PPM1E: variants seen among roughly 807,000 people sequenced by gnomAD.
PPM1E encodes the protein protein phosphatase, Mg2+/Mn2+ dependent 1E, also known as protein phosphatase 1E.
Under a neutral mutation model 65.9 loss-of-function variants are expected in PPM1E, and 20 were observed. The observed-to-expected ratio is 0.30, with a 90% CI of 0.21 to 0.44. The LOEUF (loss-of-function observed/expected upper bound fraction) is 0.44, where lower values mean the gene tolerates loss of function less well. Among genes scored for constraint, PPM1E ranks in the 20% least tolerant of loss-of-function variants. The pLI is 1.00. For synonymous variants in PPM1E, 352 were observed against 374.9 expected, an observed-to-expected ratio of 0.94 and a Z score of 0.70; for missense variants, 713 against 953.1, an observed-to-expected ratio of 0.75 and a Z score of 3.32.
intron 1 of PPM1E, among the ~76,000 whole-genome samples, chr17:58,788,372 A>G (rs1454124756): frequency 6.6e-6 from 1 of 152,170 alleles, no homozygotes; most frequent in Non-Finnish European, 1.5e-5. Flanking sequence ...GTTAGAGTGT[A>G]TACAGATTAA....
At chr17:58,879,248 C>T (rs570667404) in intron 1 of PPM1E, among the ~76,000 whole-genome samples, 1 of 143,536 alleles carries the variant, frequency 7.0e-6, no homozygotes, top group African/African-American at 2.6e-5. Context: ...AAGCAAAAGG[C>T]TACTTGGAGT....
At position 58,947,298 on chromosome 17, in the gene PPM1E, G is replaced by A. The variant is rs376784078; in HGVS notation, c.465-8351G>A. On this transcript the variant is annotated intron_variant, in intron 1 of 6. Coordinates refer to ENST00000308249, the MANE Select transcript of PPM1E (RefSeq NM_014906.5). ...ATCACCCAGGCTGGAGTGCAGTGAC[G>A]TGATCTCAGCTCACTGCAACCTCTG... Among the ~76,000 whole-genome samples, 5 of 135,314 alleles carry A rather than the reference G, an allele frequency of 3.7e-5. No individual in the cohort carries two copies. In the South Asian group the frequency reaches 7.1e-4, roughly 19 times the overall value. The allele number at this position is 135,314 out of a possible 152,430, so 88.8% of individuals were successfully genotyped here.
intron 1 of PPM1E, among the ~76,000 whole-genome samples, chr17:58,777,453 A>C (rs2050005190): frequency 6.6e-6 from 1 of 152,164 alleles, no homozygotes; most frequent in African/African-American, 2.4e-5. Flanking sequence ...TTTCATTGAG[A>C]GTAGAAAAAG....
At chr17:58,933,250 C>T (rs891374568) in intron 1 of PPM1E, among the ~76,000 whole-genome samples, 3 of 152,108 alleles carry the variant, frequency 2.0e-5, no homozygotes, top group African/African-American at 4.8e-5. Context: ...CAGCAGTTCA[C>T]ACTATTTGTA....
Position 58,861,351 on chromosome 17 carries a change from A to T in PPM1E, c.465-94298A>T, listed in dbSNP as rs576933551. Among the ~76,000 whole-genome samples the T allele has an allele frequency of 2.6e-5, 4 of 152,318 alleles. No homozygotes were observed. The South Asian group carries it at 8.3e-4, about 32-fold the overall frequency. Reference sequence around the variant, plus strand: ...TTGCAAAGGATGACCTTCTCCATCTATTATAATTATTAATATTAAGAGTTC... The same window carrying T: ...TTGCAAAGGATGACCTTCTCCATCTTTTATAATTATTAATATTAAGAGTTC... On this transcript the variant is annotated intron_variant, in intron 1 of 6. Transcript: ENST00000308249.
chr17:58,888,228 G>A (rs918951771), intron 1 of PPM1E, among the ~76,000 whole-genome samples: 1 of 152,126 alleles, frequency 6.6e-6, no homozygotes, highest in African/African-American at 2.4e-5. Flanking sequence ...AGCATTGGCT[G>A]TAAGTAAATG....
rs564240702 is a variant in PPM1E, at chr17:58,755,887, C to G, written c.-111C>G. ...GCAACCTAGTGCTGATCGCTCGTGC[C>G]GGTGCGGCCGTTAACCGCCCTTGCC... is the stretch of plus-strand genomic sequence containing the variant. On this transcript the variant is annotated 5_prime_UTR_variant, in exon 1 of 7. Coordinates refer to ENST00000308249, the MANE Select transcript of PPM1E (RefSeq NM_014906.5). 9 of 1,520,304 alleles carry G rather than the reference C, an allele frequency of 5.9e-6. No individual in the cohort carries two copies. The highest frequency in any genetic ancestry group is 2.6e-5 in the South Asian group (2 of 76,040). 94.2% of individuals were successfully genotyped at this position (1,520,304 alleles called of 1,614,324 possible).
rs1178274111 is a variant in PPM1E, at chr17:58,923,679, G to A, written c.465-31970G>A. On this transcript the variant is annotated intron_variant, in intron 1 of 6. Transcript: ENST00000308249. ...GGAGAATCGCTTGAACCTGGGAGGC[G>A]GAGGTTGCAGTGAGCTGAGATCGCA... is the stretch of plus-strand genomic sequence containing the variant. Among the ~76,000 whole-genome samples the A allele has an allele frequency of 2.0e-5, 3 of 150,010 alleles. No homozygotes were observed. The East Asian group carries it at 6.1e-4, about 31-fold the overall frequency.
In PPM1E at chr17:58,983,247, C is replaced by A. The variant is rs971179419; in HGVS notation, c.*2216C>A. 4.5e-6 allele frequency: 1 copy of A among 220,912 alleles called. No homozygotes were observed. 13.7% of individuals were successfully genotyped at this position (220,912 alleles called of 1,614,324 possible). A position where few individuals can be genotyped will look rare whatever the true frequency, so the allele number is the denominator to read the frequency against. On this transcript the variant is annotated 3_prime_UTR_variant, in exon 7 of 7. Transcript: ENST00000308249. ...TAAAGCAAAGTAGTTCTAGTGTGGT[C>A]GTTATAAACCAATATTGTGAAAAAT... is the stretch of plus-strand genomic sequence containing the variant.
At chr17:58,820,970 T>G (rs989409774) in intron 1 of PPM1E, among the ~76,000 whole-genome samples, 1 of 152,106 alleles carries the variant, frequency 6.6e-6, no homozygotes, top group Non-Finnish European at 1.5e-5. Flanking sequence ...CTGAAACATT[T>G]AATCATGGGC....
chr17:58,969,802 T>C, intron 4 of PPM1E, 75 bp downstream of exon 4: 2 of 1,373,164 alleles, frequency 1.5e-6, no homozygotes, highest in Non-Finnish European at 2.0e-6. Flanking sequence ...GTTAAAGGGC[T>C]ATTTAGATTT....
intron 1 of PPM1E, among the ~76,000 whole-genome samples, chr17:58,813,980 A>G (rs1275643829): frequency 6.6e-6 from 1 of 152,180 alleles, no homozygotes; most frequent in East Asian, 1.9e-4. Flanking sequence ...TGAGGTGGAT[A>G]TAAGCATGAA....
intron 1 of PPM1E, among the ~76,000 whole-genome samples, chr17:58,892,297 G>A (rs566302001): frequency 7.2e-5 from 11 of 152,200 alleles, no homozygotes; most frequent in African/African-American, 1.9e-4. Context: ...TTTCAAGGCC[G>A]GCATGGTGGC....
At chr17:58,944,847 C>T (rs1026598612) in intron 1 of PPM1E, among the ~76,000 whole-genome samples, 1 of 152,032 alleles carries the variant, frequency 6.6e-6, no homozygotes, top group Non-Finnish European at 1.5e-5. Context: ...TGCATGTATA[C>T]CTAGGAGTGG....
intron 1 of PPM1E, among the ~76,000 whole-genome samples, chr17:58,942,046 A>G (rs2052079405): frequency 6.6e-6 from 1 of 151,794 alleles, no homozygotes; most frequent in Admixed American, 6.6e-5. Flanking sequence ...TTCATACATT[A>G]ATTTCATTAC....
At chr17:58,953,145 A>G (rs1399146479) in intron 1 of PPM1E, among the ~76,000 whole-genome samples, 2 of 152,246 alleles carry the variant, frequency 1.3e-5, no homozygotes, top group African/African-American at 4.8e-5. Flanking sequence ...CAGGAGGCAC[A>G]TAGAGATCAC....
rs139146554 is a variant in PPM1E at position 58,873,850 on chromosome 17, G to A, written c.465-81799G>A. Among the ~76,000 whole-genome samples the A allele has an allele frequency of 5.8e-3, 872 of 149,440 alleles. 5 individuals carry two copies. The highest frequency in any genetic ancestry group is 9.6e-3 in the African/African-American group (389 of 40,488). Reference sequence around the variant, plus strand: ...GAGCTTAAGTGATCTGCCCACCTTAGCCCCCCAAAGGGCTAAGATTATAGG... The same window carrying A: ...GAGCTTAAGTGATCTGCCCACCTTAACCCCCCAAAGGGCTAAGATTATAGG... On this transcript the variant is annotated intron_variant, in intron 1 of 6. Transcript: ENST00000308249.
chr17:58,964,235 G>T (rs1376264582), intron 2 of PPM1E, among the ~76,000 whole-genome samples: 2 of 151,898 alleles, frequency 1.3e-5, no homozygotes, highest in Non-Finnish European at 2.9e-5. Flanking sequence ...TAAGTAAAAA[G>T]AAAATTTAAG....
At chr17:58,902,733 G>C (rs368958965) in intron 1 of PPM1E, among the ~76,000 whole-genome samples, 1 of 152,122 alleles carries the variant, frequency 6.6e-6, no homozygotes, top group Non-Finnish European at 1.5e-5. Context: ...AAGAAAAACA[G>C]TCTTTCAAAA....
Sources: gnomAD v4.1 joint callset for allele counts (sites outside exome capture counted in the v4.1 genomes callset) on GRCh38, gnomAD v4.1.1 for gene constraint, MANE v1.5 for transcripts, NCBI Gene and HGNC (gene_info 2026-07-23, HGNC 2026-07-21) for gene names.